The following DDC variants were observed in gnomAD, a reference collection of about 807,000 sequenced individuals.
DDC encodes the protein aromatic-L-amino-acid decarboxylase.
DDC carries 43 observed loss-of-function variants against 60.0 expected under a neutral mutation model. The ratio of observed to expected loss-of-function variants is 0.72; its 90% CI spans 0.56 to 0.92. The LOEUF is 0.92. Ranked by LOEUF, DDC falls within the 40% of genes least tolerant of loss-of-function variation. The pLI is 0.00. For missense variants in DDC, 573 were observed against 620.2 expected, an observed-to-expected ratio of 0.92 and a Z score of 0.81; for synonymous variants, 232 against 234.6, an observed-to-expected ratio of 0.99 and a Z score of 0.10.
Position 50,527,937 on chromosome 7 carries a change from C to T in DDC, c.714+200G>A, listed in dbSNP as rs1423909342. On this transcript the variant is annotated intron_variant, in intron 6 of 14. Transcript: ENST00000444124. ...TTTGAGACAGAGTCTTGCTCTGTCACACAGGCTGGAGTGCAGCGGCGCGAT... is the reference window on the plus strand; with the variant it reads ...TTTGAGACAGAGTCTTGCTCTGTCATACAGGCTGGAGTGCAGCGGCGCGAT... 8.3e-5 allele frequency: 45 copies of T among 544,042 alleles called. 1 individual carries two copies. Among genetic ancestry groups the T allele is most frequent in the South Asian group, 8.0e-4 (39 of 48,658 alleles). 33.7% of individuals were successfully genotyped at this position (544,042 alleles called of 1,614,324 possible). A position where few individuals can be genotyped will look rare whatever the true frequency, so the allele number is the denominator to read the frequency against.
chr7:50,519,656 T>C (rs927925173), intron 6 of DDC, among the ~76,000 whole-genome samples: 3 of 152,104 alleles, frequency 2.0e-5, no homozygotes, highest in Non-Finnish European at 2.9e-5. Flanking sequence ...CCAAACATTG[T>C]AGGTTCTCAC....
intron 9 of DDC, chr7:50,493,155 A>G: frequency 1.4e-6 from 1 of 702,640 alleles, no homozygotes; most frequent in Admixed American, 2.1e-5. Context: ...GTCCCTCAAC[A>G]CAGGGCTGTC....
chr7:50,534,678 A>G (rs148764326), intron 4 of DDC, among the ~76,000 whole-genome samples: 1 of 152,208 alleles, frequency 6.6e-6, no homozygotes, highest in African/African-American at 2.4e-5. Context: ...CCGTGTATAA[A>G]ACTAAAAGAA....
chr7:50,479,984 C>T lies in DDC; in HGVS notation c.945-121G>A, dbSNP rs2042731073. 5.4e-6 allele frequency: 4 copies of T among 741,170 alleles called. No individual in the cohort carries two copies. In the Admixed American group the frequency reaches 8.0e-5, roughly 15 times the overall value. 45.9% of individuals were successfully genotyped at this position (741,170 alleles called of 1,614,324 possible). ...TCCCAGCCCTGCCCTGAACACCACT[C>T]TGCCTGCACGGCCCTGTCTCTGCTC... On this transcript the variant is annotated intron_variant, in intron 9 of 14. Coordinates refer to ENST00000444124, the MANE Select transcript of DDC (RefSeq NM_001082971.2).
At chr7:50,459,901 C>G (rs1345373941) in intron 14 of DDC, among the ~76,000 whole-genome samples, 1 of 140,122 alleles carries the variant, frequency 7.1e-6, no homozygotes, top group Non-Finnish European at 1.5e-5. Flanking sequence ...GCCCCCCGCC[C>G]GGCCAGCCGC....
rs111880349 is a variant in DDC, at chr7:50,546,660, A to G, written c.-28-2547T>C. Among the ~76,000 whole-genome samples the G allele has an allele frequency of 1.8e-3, 269 of 152,288 alleles. 3 individuals are homozygous for G. Among genetic ancestry groups the G allele is most frequent in the African/African-American group, 6.1e-3 (255 of 41,558 alleles). ...CATTGGCATTCTCTCTAATATTTTT[A>G]CTTCCATGTTCTCTGTTAAATGAAC... On this transcript the variant is annotated intron_variant, in intron 1 of 14. Coordinates refer to ENST00000444124, the MANE Select transcript of DDC (RefSeq NM_001082971.2).
At chr7:50,528,001 A>C in intron 6 of DDC, 136 bp downstream of exon 6, 1 of 1,015,068 alleles carries the variant, frequency 9.9e-7, no homozygotes, top group Non-Finnish European at 1.4e-6. Context: ...GGTTCACGCC[A>C]TTCTCCTGCC....
At chr7:50,492,733 CTG>C in intron 9 of DDC, 2 of 1,401,502 alleles carry the variant, frequency 1.4e-6, no homozygotes, top group Non-Finnish European at 9.3e-7. Context: ...CCTGTGTGTC[CTG>C]TGTCTCTTCC....
At position 50,459,145 on chromosome 7, in the gene DDC, G is replaced by A. The variant is rs560621236; in HGVS notation, c.*19-302C>T. Among the ~76,000 whole-genome samples, 6 of 152,364 alleles carry A rather than the reference G, an allele frequency of 3.9e-5. No homozygotes were observed. In the South Asian group the frequency reaches 1.2e-3, roughly 32 times the overall value. On this transcript the variant is annotated intron_variant, in intron 14 of 14. Coordinates refer to ENST00000444124, the MANE Select transcript of DDC (RefSeq NM_001082971.2). ...CTGGTTTTCGTATTTTTTTGGTGGA[G>A]ACGGGGTTTCGCTGTGTTGGCCGGG...
chr7:50,508,430 G>T (rs554051039), intron 6 of DDC, among the ~76,000 whole-genome samples: 2 of 152,328 alleles, frequency 1.3e-5, no homozygotes, highest in South Asian at 4.1e-4. Flanking sequence ...CTTCTCTTCT[G>T]CATCCTTGCC....
At chr7:50,553,853 G>C (rs539374015) in intron 1 of DDC, among the ~76,000 whole-genome samples, 5 of 152,098 alleles carry the variant, frequency 3.3e-5, no homozygotes, top group Admixed American at 2.0e-4. Context: ...TAGGAGAAAT[G>C]CTTCCAAGCA....
intron 6 of DDC, 69 bp from the exon 7 acceptor site, chr7:50,504,128 C>G: frequency 9.1e-7 from 1 of 1,099,224 alleles, no homozygotes; most frequent in Non-Finnish European, 1.4e-6. Flanking sequence ...TCCACACAAG[C>G]AACTGCTGCC....
chr7:50,491,612 CAAG>C (rs569567276), intron 9 of DDC, among the ~76,000 whole-genome samples: 298 of 152,286 alleles, frequency 2.0e-3, no homozygotes, highest in African/African-American at 6.7e-3. Context: ...TGCTTTCATG[CAAG>C]AAGATACCCT....
chr7:50,490,321 T>G (rs572915715), intron 9 of DDC, among the ~76,000 whole-genome samples: 129 of 152,240 alleles, frequency 8.5e-4, no homozygotes, highest in African/African-American at 3.1e-3. Flanking sequence ...TTCAACCAAT[T>G]CATACAGGTA....
intron 4 of DDC, 65 bp downstream of exon 4, chr7:50,537,795 C>A (rs2044468480): frequency 2.5e-6 from 4 of 1,607,370 alleles, no homozygotes; most frequent in Non-Finnish European, 3.4e-6. Context: ...CTTTCCCCAC[C>A]TGCGGCTACA....
intron 8 of DDC, among the ~76,000 whole-genome samples, chr7:50,496,552 G>C (rs1473296859): frequency 6.6e-6 from 1 of 152,144 alleles, no homozygotes; most frequent in Admixed American, 6.5e-5. Context: ...ACCACCAAGA[G>C]TGGCAGAGGA....
intron 9 of DDC, among the ~76,000 whole-genome samples, chr7:50,485,051 G>T (rs1244603556): frequency 6.6e-6 from 1 of 151,920 alleles, no homozygotes; most frequent in Non-Finnish European, 1.5e-5. Context: ...CTGTTTCAGA[G>T]AAATAGAATT....
chr7:50,530,077 C>G lies in DDC; in HGVS notation c.436-735G>C, dbSNP rs1267497915. Among the ~76,000 whole-genome samples the G allele has an allele frequency of 5.3e-5, 8 of 151,996 alleles. No individual in the cohort carries two copies. The East Asian group carries it at 1.6e-3, about 29-fold the overall frequency. ...TTCGAGACCAGCCTGGGCAACATACCGAAACCCTGTATCTATAAAAATACA... is the reference window on the plus strand; with the variant it reads ...TTCGAGACCAGCCTGGGCAACATACGGAAACCCTGTATCTATAAAAATACA... On this transcript the variant is annotated intron_variant, in intron 4 of 14. Coordinates refer to ENST00000444124, the MANE Select transcript of DDC (RefSeq NM_001082971.2).
rs181201959 is a variant in DDC, at chr7:50,507,280, G to A, written c.715-3221C>T. 2.2e-3 allele frequency among the ~76,000 whole-genome samples: 340 copies of A among 151,222 alleles called. 1 individual carries two copies. Among genetic ancestry groups the A allele is most frequent in the African/African-American group, 7.8e-3 (322 of 41,190 alleles). The stretch of plus-strand genomic sequence containing the variant: ...GAGATGGAGTTTCACTCTTTTTGTC[G>A]AGGCTGGAGTGCAGTGGTGCGATCT... On this transcript the variant is annotated intron_variant, in intron 6 of 14. Coordinates refer to ENST00000444124, the MANE Select transcript of DDC (RefSeq NM_001082971.2).
Sources: gnomAD v4.1 joint callset for allele counts (sites outside exome capture counted in the v4.1 genomes callset) on GRCh38, gnomAD v4.1.1 for gene constraint, MANE v1.5 for transcripts, NCBI Gene and HGNC (gene_info 2026-07-23, HGNC 2026-07-21) for gene names.